The following SIK3 variants were observed in gnomAD, a reference collection of about 807,000 sequenced individuals.
The protein encoded by SIK3 is serine/threonine-protein kinase SIK3.
Under a neutral mutation model 144.2 loss-of-function variants are expected in SIK3, and 28 were observed. That is an observed-to-expected ratio of 0.19 (90% CI 0.14 to 0.27). The LOEUF (loss-of-function observed/expected upper bound fraction) is 0.27, where lower values mean the gene tolerates loss of function less well. SIK3 is among the 10% of genes least tolerant of loss of function. SIK3 has a pLI of 1.00. For synonymous variants in SIK3, 686 were observed against 676.3 expected, an observed-to-expected ratio of 1.01 and a Z score of -0.22; for missense variants, 1,319 against 1,776.0, an observed-to-expected ratio of 0.74 and a Z score of 4.62.
chr11:116,959,482 C>T (rs1949263342), intron 1 of SIK3, among the ~76,000 whole-genome samples: 1 of 152,168 alleles, frequency 6.6e-6, no homozygotes, highest in Non-Finnish European at 1.5e-5. Context: ...CTGTCTAAGG[C>T]CTGTGCCTGA....
At chr11:117,079,349 A>C (rs1483779236) in intron 1 of SIK3, among the ~76,000 whole-genome samples, 1 of 152,226 alleles carries the variant, frequency 6.6e-6, no homozygotes, top group Non-Finnish European at 1.5e-5. Context: ...TCAAGAAGGA[A>C]AAGAGCAATT....
chr11:117,054,326 G>A (rs723955), intron 1 of SIK3, among the ~76,000 whole-genome samples: 56,650 of 152,028 alleles, frequency 0.37, 12,901 homozygotes, highest in African/African-American at 0.65. Flanking sequence ...TTAGAGTACA[G>A]GGTGCAGTCA....
intron 1 of SIK3, among the ~76,000 whole-genome samples, chr11:117,030,036 A>G (rs912225493): frequency 3.9e-5 from 6 of 152,098 alleles, no homozygotes; most frequent in African/African-American, 1.4e-4. Flanking sequence ...CAATTTTGGA[A>G]AGCTGAGAAC....
rs754420663 is a variant in SIK3, at chr11:116,898,562, A to T, written c.617-1245T>A. On this transcript the variant is annotated intron_variant, in intron 4 of 24. Coordinates refer to ENST00000445177, the MANE Select transcript of SIK3 (RefSeq NM_001366686.3). ...GAGGAATCACCACACTGACTTCCAC[A>T]ATGGTGGAACTAGTTTACAGTCCCA... Among the ~76,000 whole-genome samples, 149 of 152,222 alleles carry T rather than the reference A, an allele frequency of 9.8e-4. 1 individual carries two copies. Among genetic ancestry groups the T allele is most frequent in the Non-Finnish European group, 1.7e-3 (116 of 68,028 alleles).
At chr11:116,905,942 A>C (rs1422101814) in intron 4 of SIK3, among the ~76,000 whole-genome samples, 1 of 152,246 alleles carries the variant, frequency 6.6e-6, no homozygotes, top group East Asian at 1.9e-4. Context: ...TTTGATGCAC[A>C]AAAGTTTTAA....
chr11:116,855,081 G>GC (rs1436518284), intron 21 of SIK3, among the ~76,000 whole-genome samples: 17 of 39,416 alleles, frequency 4.3e-4, no homozygotes, highest in Middle Eastern at 0.014. Flanking sequence ...GTGAGACTCT[G>GC]CCAAAAAAAA....
At chr11:116,887,641 T>A (rs983567580) in intron 6 of SIK3, among the ~76,000 whole-genome samples, 1 of 151,394 alleles carries the variant, frequency 6.6e-6, no homozygotes, top group African/African-American at 2.4e-5. Flanking sequence ...GAGTCTGATA[T>A]AAGATTCCAT....
intron 1 of SIK3, among the ~76,000 whole-genome samples, chr11:117,015,303 A>T (rs1192751103): frequency 6.6e-6 from 1 of 152,166 alleles, no homozygotes; most frequent in African/African-American, 2.4e-5. Context: ...TTAAAATTTT[A>T]AATTTAGAAG....
intron 1 of SIK3, among the ~76,000 whole-genome samples, chr11:117,061,254 A>G (rs1367347163): frequency 1.3e-5 from 2 of 152,160 alleles, no homozygotes; most frequent in African/African-American, 2.4e-5. Flanking sequence ...AAAAATAGAT[A>G]AAATAAAGCC....
intron 1 of SIK3, among the ~76,000 whole-genome samples, chr11:117,068,878 T>A (rs1397312135): frequency 1.3e-5 from 2 of 152,184 alleles, no homozygotes; most frequent in African/African-American, 4.8e-5. Flanking sequence ...ATTCTCTAAT[T>A]ATGTTTTGCT....
At chr11:117,011,909 T>C (rs1344517003) in intron 1 of SIK3, among the ~76,000 whole-genome samples, 1 of 152,084 alleles carries the variant, frequency 6.6e-6, no homozygotes. Context: ...CTCCAACTCT[T>C]AAAAAATAAA....
rs561787014 is a variant in SIK3, at chr11:116,993,684, C to T, written c.274-36620G>A. ...TGGAGAGGAAGAGGGGCTGAACAGACGTCAGCAGGGTGCAAGGGGAGGATG... is the reference window on the plus strand; with the variant it reads ...TGGAGAGGAAGAGGGGCTGAACAGATGTCAGCAGGGTGCAAGGGGAGGATG... On this transcript the variant is annotated intron_variant, in intron 1 of 24. Transcript: ENST00000445177. Among the ~76,000 whole-genome samples the T allele has an allele frequency of 3.9e-5, 6 of 152,180 alleles. No homozygotes were observed. The East Asian group carries it at 5.8e-4, about 15-fold the overall frequency.
Position 116,858,669 on chromosome 11 carries a change from G to A in SIK3, c.2796C>T (p.Asn932=), listed in dbSNP as rs1222086181. 1.3e-6 allele frequency: 2 copies of A among 1,557,064 alleles called. No homozygotes were observed. The highest frequency in any genetic ancestry group is 4.5e-5 in the East Asian group (2 of 44,396). The change falls in exon 21 of 25, where the codon AAC becomes AAT. Residue 932 remains asparagine, a synonymous_variant. Coordinates refer to ENST00000445177, the MANE Select transcript of SIK3 (RefSeq NM_001366686.3). This position sits in a 1 kb window ranked among gnomAD's most constrained non-coding sequence, Gnocchi z 5.4. The part of the protein sequence containing the change: ...SLNVNRFSPA[N]YDQAHLHPHL... ...GGGGGTGTAAATGCGCCTGGTCGTAGTTAGCAGGGGAGAACCGATTCACGT... is the reference window on the plus strand; with the variant it reads ...GGGGGTGTAAATGCGCCTGGTCGTAATTAGCAGGGGAGAACCGATTCACGT...
At chr11:116,987,344 A>C (rs1039566375) in intron 1 of SIK3, among the ~76,000 whole-genome samples, 2 of 151,460 alleles carry the variant, frequency 1.3e-5, no homozygotes, top group Non-Finnish European at 2.9e-5. Flanking sequence ...AAAAACACAG[A>C]GAGCCTGTTT....
At chr11:116,870,281 A>C (rs943957657) in intron 14 of SIK3, 50 bp downstream of exon 14, 1 of 1,611,300 alleles carries the variant, frequency 6.2e-7, no homozygotes, top group African/African-American at 1.3e-5. Context: ...CGCTGGTTGC[A>C]GGGGAGCCTG....
chr11:117,018,716 A>ATTTTT (rs1555129224), intron 1 of SIK3, among the ~76,000 whole-genome samples: 3 of 72,944 alleles, frequency 4.1e-5, no homozygotes, highest in Admixed American at 1.3e-4. Context: ...ATTTTATTTT[A>ATTTTT]TTTATTTTTT....
intron 4 of SIK3, among the ~76,000 whole-genome samples, chr11:116,908,431 A>G (rs1946165511): frequency 6.6e-6 from 1 of 152,186 alleles, no homozygotes; most frequent in South Asian, 2.1e-4. Flanking sequence ...GTGGGCTGTG[A>G]TCACGCCACT....
intron 6 of SIK3, among the ~76,000 whole-genome samples, chr11:116,890,697 A>G (rs1258519863): frequency 1.3e-5 from 2 of 152,234 alleles, no homozygotes; most frequent in African/African-American, 4.8e-5. Flanking sequence ...TCTTATTTCT[A>G]TCCAATCTAA....
chr11:116,861,731 A>T, intron 18 of SIK3, 110 bp downstream of exon 18: 1 of 727,316 alleles, frequency 1.4e-6, no homozygotes, highest in Non-Finnish European at 2.3e-6. Context: ...CTTTTCAAAT[A>T]GATTCTTGCA....
Sources: allele counts gnomAD v4.1 joint callset (sites outside exome capture counted in the v4.1 genomes callset), GRCh38; gene constraint gnomAD v4.1.1; non-coding constraint Gnocchi (gnomAD v3.1); transcripts MANE v1.5; gene names NCBI Gene and HGNC (gene_info 2026-07-23, HGNC 2026-07-21).